Variants in GRIK1 observed in about 807,000 individuals in gnomAD.
GRIK1 encodes glutamate receptor ionotropic, kainate 1.
In GRIK1, 69 loss-of-function variants were observed where a neutral mutation model predicts 105.7. The observed-to-expected ratio is 0.65, with a 90% CI of 0.54 to 0.80. The LOEUF is 0.80. Ranked by LOEUF, GRIK1 falls within the 30% of genes least tolerant of loss-of-function variation. The probability of loss-of-function intolerance (pLI) is 0.00; values close to 1 mark genes in which losing one functional copy is unlikely to be tolerated. For missense variants in GRIK1, 1,109 were observed against 1,167.3 expected (o/e 0.95, Z 0.73); for synonymous variants, 438 against 431.3 (o/e 1.02, Z -0.19).
At chr21:29,620,799 A>ATATC (rs2061975966) in intron 7 of GRIK1, among the ~76,000 whole-genome samples, 3 of 101,944 alleles carry the variant, frequency 2.9e-5, no homozygotes, top group African/African-American at 1.9e-4. Context: ...ATATCTATAT[A>ATATC]TATATAGATA....
chr21:29,836,834 C>T (rs372036234), intron 1 of GRIK1, among the ~76,000 whole-genome samples: 2 of 152,230 alleles, frequency 1.3e-5, no homozygotes, highest in African/African-American at 4.8e-5. Flanking sequence ...TATCTTCTTT[C>T]AAAATTCTCT....
Position 29,598,105 on chromosome 21 carries a change from G to GT in GRIK1, c.1206+724dup, listed in dbSNP as rs1411717609. Among the ~76,000 whole-genome samples the GT allele has an allele frequency of 4.6e-5, 7 of 152,230 alleles. No individual in the cohort carries two copies. The East Asian group carries it at 1.4e-3, about 29-fold the overall frequency. ...ATTGTCAGTGCAAAATCTTCAAACT[G>GT]TAAGTGTTAATTCTGACGTATAGTC... On this transcript the variant is annotated intron_variant, in intron 8 of 17. Transcript: ENST00000327783.
chr21:29,651,160 G>A lies in GRIK1; in HGVS notation c.912C>T (p.Ala304=), dbSNP rs142866181. 300 of 1,613,680 alleles carry A rather than the reference G, an allele frequency of 1.9e-4. 2 individuals are homozygous for A. In the African/African-American group the frequency reaches 3.7e-3, roughly 20 times the overall value. Residue 304 remains alanine, a synonymous_variant, in exon 6 of 18, where the codon GCC becomes GCT. Coordinates refer to ENST00000327783, the MANE Select transcript of GRIK1 (RefSeq NM_001330994.2). ...IEKWSMERLQ[A]PPRPETGLLD... is the part of the protein sequence containing the mutation. ...AAAGGCCAGTCTCGGGCCTGGGTGG[G>A]GCCTGCAGTCTCTCCATGGACCACT...
intron 1 of GRIK1, among the ~76,000 whole-genome samples, chr21:29,857,377 G>A (rs915905724): frequency 1.3e-5 from 2 of 152,182 alleles, no homozygotes; most frequent in Non-Finnish European, 1.5e-5. Context: ...GCAGTCTGGC[G>A]AGAATGCAGG....
At chr21:29,653,720 A>G (rs897403070) in intron 5 of GRIK1, among the ~76,000 whole-genome samples, 2 of 152,206 alleles carry the variant, frequency 1.3e-5, no homozygotes, top group African/African-American at 4.8e-5. Flanking sequence ...AGAAACAGTA[A>G]GAGGCAAATG....
intron 1 of GRIK1, among the ~76,000 whole-genome samples, chr21:29,792,465 G>A (rs1312144044): frequency 1.3e-5 from 2 of 152,128 alleles, no homozygotes; most frequent in South Asian, 2.1e-4. Context: ...TCGTTATGAG[G>A]TAATTTCCTG....
chr21:29,596,528 T>C lies in GRIK1; in HGVS notation c.1249A>G (p.Lys417Glu). The C allele has an allele frequency of 6.2e-7, 1 of 1,606,834 alleles. No homozygotes were observed. Among genetic ancestry groups the C allele is most frequent in the South Asian group, 1.1e-5 (1 of 90,928 alleles). The change falls in exon 9 of 18, where the codon AAG becomes GAG. Residue 417 changes from lysine (K) to glutamate (E), a missense_variant and splice_region_variant. Lys to Glu is a moderately conservative substitution (Grantham distance 56, BLOSUM62 1). This residue lies in a region of GRIK1 where 612 missense variants were observed against 586.0 expected (regional missense o/e 1.04). Transcript: ENST00000327783. The stretch of plus-strand genomic sequence containing the variant: ...GCAGTTGTTGTCAGAGTACAAACCT[T>C]CTTCCACACTTTATACAAGTGTTTA... ...VSKHLYKVWK[K>E]IGIWNSNSGL...
intron 7 of GRIK1, among the ~76,000 whole-genome samples, chr21:29,627,875 A>G (rs905979000): frequency 9.8e-5 from 15 of 152,338 alleles, no homozygotes; most frequent in African/African-American, 3.4e-4. Flanking sequence ...CCCTTGGGGA[A>G]TATAGCAAAA....
chr21:29,801,258 C>A (rs189497710), intron 1 of GRIK1, among the ~76,000 whole-genome samples: 1 of 151,310 alleles, frequency 6.6e-6, no homozygotes, highest in African/African-American at 2.4e-5. Flanking sequence ...AAAGTAATTG[C>A]GGTTTTTACC....
intron 7 of GRIK1, among the ~76,000 whole-genome samples, chr21:29,619,259 A>G (rs1182514733): frequency 1.3e-5 from 2 of 152,060 alleles, no homozygotes; most frequent in Non-Finnish European, 2.9e-5. Flanking sequence ...CAACATAGTG[A>G]AACCTCGTCT....
intron 8 of GRIK1, among the ~76,000 whole-genome samples, chr21:29,597,203 C>T (rs2061431832): frequency 6.6e-6 from 1 of 152,158 alleles, no homozygotes; most frequent in South Asian, 2.1e-4. Context: ...CCCAATCAGC[C>T]TTCTCAGGAA....
rs115699573 is a variant in GRIK1 at position 29,919,054 on chromosome 21, G to A, written c.118+20329C>T. Among the ~76,000 whole-genome samples the A allele has an allele frequency of 3.6e-3, 544 of 151,938 alleles. 2 individuals carry two copies. The highest frequency in any genetic ancestry group is 0.012 in the African/African-American group (518 of 41,454). Reference sequence around the variant, plus strand: ...AGGGGTAAAGGGTCAAGAAGAAGAGGCACTGAGACATCTGCAGCTTTAGGA... The same window carrying A: ...AGGGGTAAAGGGTCAAGAAGAAGAGACACTGAGACATCTGCAGCTTTAGGA... On this transcript the variant is annotated intron_variant, in intron 1 of 17. Coordinates refer to ENST00000327783, the MANE Select transcript of GRIK1 (RefSeq NM_001330994.2).
chr21:29,873,381 T>G (rs2069086113), intron 1 of GRIK1, among the ~76,000 whole-genome samples: 1 of 152,250 alleles, frequency 6.6e-6, no homozygotes, highest in African/African-American at 2.4e-5. Flanking sequence ...GCCCTCAGTC[T>G]GGCATACCAG....
chr21:29,814,291 T>A (rs1481268796), intron 1 of GRIK1, among the ~76,000 whole-genome samples: 4 of 151,814 alleles, frequency 2.6e-5, no homozygotes, highest in Non-Finnish European at 5.9e-5. Context: ...TGCAGCAGTT[T>A]TTGGTCTCTT....
chr21:29,814,173 A>G (rs1382096313), intron 1 of GRIK1, among the ~76,000 whole-genome samples: 1 of 149,014 alleles, frequency 6.7e-6, no homozygotes, highest in Non-Finnish European at 1.5e-5. Context: ...CTGGTCTCAA[A>G]CTCCTGACCT....
intron 1 of GRIK1, among the ~76,000 whole-genome samples, chr21:29,751,121 C>A (rs1406928980): frequency 6.6e-6 from 1 of 152,132 alleles, no homozygotes; most frequent in Non-Finnish European, 1.5e-5. Flanking sequence ...AGGCATGGAC[C>A]AGCCATTTTC....
chr21:29,747,434 G>A (rs550895480), intron 1 of GRIK1, among the ~76,000 whole-genome samples: 61 of 152,332 alleles, frequency 4.0e-4, no homozygotes, highest in Middle Eastern at 3.4e-3. Context: ...TTGTGATCTG[G>A]CTTCCTGCAG....
intron 1 of GRIK1, among the ~76,000 whole-genome samples, chr21:29,889,259 A>G (rs1488050479): frequency 1.3e-5 from 2 of 152,154 alleles, no homozygotes; most frequent in South Asian, 2.1e-4. Flanking sequence ...TATGTTAAGT[A>G]TTTTTTCTTA....
At chr21:29,673,260 AC>A in intron 3 of GRIK1, 96 bp from the exon 4 acceptor site, 1 of 719,820 alleles carries the variant, frequency 1.4e-6, no homozygotes, top group Non-Finnish European at 2.3e-6. Context: ...TCCAAAACAT[AC>A]CCAGTGGCCA....
Sources: gnomAD v4.1 joint callset for allele counts (sites outside exome capture counted in the v4.1 genomes callset) on GRCh38, gnomAD v4.1.1 for gene constraint, gnomAD v4.1.1 regional missense constraint, MANE v1.5 for transcripts, NCBI Gene and HGNC (gene_info 2026-07-23, HGNC 2026-07-21) for gene names.